MRPS27: variants seen among roughly 807,000 people sequenced by gnomAD.
MRPS27 encodes the protein mitochondrial ribosomal protein S27, also known as small ribosomal subunit protein mS27.
MRPS27 carries 43 observed loss-of-function variants against 48.9 expected under a neutral mutation model. That is an observed-to-expected ratio of 0.88 (90% confidence interval 0.69 to 1.13). The LOEUF (loss-of-function observed/expected upper bound fraction) is 1.13, where lower values mean the gene tolerates loss of function less well. Ranked by LOEUF, MRPS27 falls within the 50% of genes most tolerant of loss-of-function variation. The pLI is 0.00. For missense variants in MRPS27, 467 were observed against 476.3 expected (o/e 0.98, Z 0.18); for synonymous variants, 188 against 171.9 (o/e 1.09, Z -0.73).
At chr5:72,291,275 G>C (rs1189022613) in intron 4 of MRPS27, among the ~76,000 whole-genome samples, 1 of 152,134 alleles carries the variant, frequency 6.6e-6, no homozygotes, top group Non-Finnish European at 1.5e-5. Context: ...ATAAAAATAA[G>C]TCTAAGCAAA....
chr5:72,276,906 C>A (rs1255462476), intron 4 of MRPS27, among the ~76,000 whole-genome samples: 1 of 152,088 alleles, frequency 6.6e-6, no homozygotes, highest in South Asian at 2.1e-4. Flanking sequence ...TGACGGGCAC[C>A]TGTAGTCCCA....
intron 4 of MRPS27, among the ~76,000 whole-genome samples, chr5:72,238,728 C>T (rs1462584247): frequency 6.6e-6 from 1 of 152,188 alleles, no homozygotes; most frequent in East Asian, 1.9e-4. Context: ...TGTAGCTCAT[C>T]AGTTTATCCC....
At chr5:72,249,338 G>A (rs1748593935) in intron 4 of MRPS27, among the ~76,000 whole-genome samples, 1 of 152,158 alleles carries the variant, frequency 6.6e-6, no homozygotes, top group South Asian at 2.1e-4. Context: ...AAGAGACAAA[G>A]AAGAATAAAC....
chr5:72,308,349 T>G (rs1262937456), intron 2 of MRPS27, among the ~76,000 whole-genome samples: 1 of 152,234 alleles, frequency 6.6e-6, no homozygotes, highest in Non-Finnish European at 1.5e-5. Flanking sequence ...CACGCCGCAG[T>G]GTCCCTTGCT....
At chr5:72,293,533 A>G (rs1749889612) in intron 4 of MRPS27, among the ~76,000 whole-genome samples, 1 of 152,208 alleles carries the variant, frequency 6.6e-6, no homozygotes, top group Admixed American at 6.5e-5. Flanking sequence ...GGCCACACAA[A>G]ACTGAACATC....
chr5:72,297,960 T>C (rs986860130), intron 2 of MRPS27, among the ~76,000 whole-genome samples: 1 of 152,206 alleles, frequency 6.6e-6, no homozygotes, highest in African/African-American at 2.4e-5. Context: ...TTTGAAAACC[T>C]AGGAGATGCT....
intron 2 of MRPS27, among the ~76,000 whole-genome samples, chr5:72,309,704 A>G (rs1270836743): frequency 6.6e-6 from 1 of 152,206 alleles, no homozygotes; most frequent in East Asian, 1.9e-4. Flanking sequence ...TCTTCCCTAC[A>G]TACCTAGGAA....
intron 4 of MRPS27, among the ~76,000 whole-genome samples, chr5:72,255,029 C>CTTT (rs70999273): frequency 3.9e-4 from 28 of 72,094 alleles, no homozygotes; most frequent in Non-Finnish European, 6.1e-4. Context: ...CATTTCTTTT[C>CTTT]TTTTTTTTTT....
intron 2 of MRPS27, among the ~76,000 whole-genome samples, chr5:72,301,080 C>G (rs1750116468): frequency 6.6e-6 from 1 of 152,226 alleles, no homozygotes. Context: ...TAAGGACACA[C>G]CAGAAATGAT....
chr5:72,317,570 G>T (rs988710771), intron 1 of MRPS27, among the ~76,000 whole-genome samples: 6 of 152,106 alleles, frequency 3.9e-5, no homozygotes, highest in African/African-American at 1.2e-4. Context: ...TAGAGACAGG[G>T]TTTCTCCATG....
At chr5:72,221,897 G>A (rs1747753254) in intron 10 of MRPS27, among the ~76,000 whole-genome samples, 1 of 89,996 alleles carries the variant, frequency 1.1e-5, no homozygotes, top group South Asian at 3.9e-4. Flanking sequence ...TGCTCCTGGA[G>A]AAGTAAGTAT....
chr5:72,255,021 T>TTTCTC (rs1222993342), intron 4 of MRPS27, among the ~76,000 whole-genome samples: 2 of 144,956 alleles, frequency 1.4e-5, no homozygotes, highest in African/African-American at 2.7e-5. Flanking sequence ...ATGTAACACA[T>TTTCTC]TTCTTTTCTT....
intron 4 of MRPS27, among the ~76,000 whole-genome samples, chr5:72,276,963 G>T (rs1259616557): frequency 6.6e-6 from 1 of 151,958 alleles, no homozygotes. Context: ...CCCAGGAGGC[G>T]GAGGTTGCAA....
chr5:72,280,653 A>G (rs1022283683), intron 4 of MRPS27, among the ~76,000 whole-genome samples: 11 of 152,240 alleles, frequency 7.2e-5, no homozygotes, highest in Non-Finnish European at 1.3e-4. Context: ...TGCATGCCAG[A>G]TATCAAAACT....
chr5:72,226,289 C>G, intron 8 of MRPS27, 90 bp from the exon 9 acceptor site: 1 of 1,489,904 alleles, frequency 6.7e-7, no homozygotes, highest in South Asian at 1.2e-5. Context: ...TGAATGTTCA[C>G]CTGGCAGCAC....
chr5:72,275,218 C>T (rs1749343680), intron 4 of MRPS27, among the ~76,000 whole-genome samples: 1 of 152,124 alleles, frequency 6.6e-6, no homozygotes, highest in Admixed American at 6.5e-5. Flanking sequence ...AAATCACAAG[C>T]ATTCCTATGT....
chr5:72,237,723 A>G lies in MRPS27; in HGVS notation c.396+291T>C, dbSNP rs150882994. 6.6e-5 allele frequency among the ~76,000 whole-genome samples: 10 copies of G among 152,200 alleles called. No individual in the cohort carries two copies. In the East Asian group the frequency reaches 1.5e-3, roughly 24 times the overall value. ...TTCACCAGAAGGAAACAGGCAAGAA[A>G]TCTAAGGCTTAGCAACCGAGAATGA... On this transcript the variant is annotated intron_variant, in intron 5 of 10. Transcript: ENST00000261413.
chr5:72,264,767 T>C (rs1453460217), intron 4 of MRPS27, among the ~76,000 whole-genome samples: 1 of 152,170 alleles, frequency 6.6e-6, no homozygotes, highest in Non-Finnish European at 1.5e-5. Flanking sequence ...TGTACAGCCT[T>C]CAGGGAAAGG....
chr5:72,304,084 T>C (rs995141115), intron 2 of MRPS27, among the ~76,000 whole-genome samples: 2 of 152,002 alleles, frequency 1.3e-5, no homozygotes, highest in East Asian at 1.9e-4. Flanking sequence ...CAAGAGCATA[T>C]GGTTAGATGT....
Sources: allele counts gnomAD v4.1 joint callset (sites outside exome capture counted in the v4.1 genomes callset), GRCh38; gene constraint gnomAD v4.1.1; transcripts MANE v1.5; gene names NCBI Gene and HGNC (gene_info 2026-07-23, HGNC 2026-07-21).